The following WDR4 variants were observed in gnomAD, a reference collection of about 807,000 sequenced individuals.
WDR4 encodes the protein WDR4 tRNA N7-guanosine methyltransferase non-catalytic subunit.
Under a neutral mutation model 48.6 loss-of-function variants are expected in WDR4, and 47 were observed. The observed-to-expected ratio is 0.97, with a 90% CI of 0.77 to 1.23. The LOEUF is 1.23. Ranked by LOEUF, WDR4 falls within the 50% of genes most tolerant of loss-of-function variation. The probability of loss-of-function intolerance (pLI) is 0.00; values close to 1 mark genes in which losing one functional copy is unlikely to be tolerated. For missense variants in WDR4, 606 were observed against 551.6 expected, an observed-to-expected ratio of 1.10 and a Z score of -0.99; for synonymous variants, 268 against 230.0, an observed-to-expected ratio of 1.17 and a Z score of -1.49.
rs2057771238 is a variant in WDR4 at position 42,849,819 on chromosome 21, A to G, written c.*230T>C. On this transcript the variant is annotated 3_prime_UTR_variant, in exon 11 of 11. Transcript: ENST00000398208. ...AAAAGAAAGTGCTTCAAGAGCTTCC[A>G]CTCCACTGGTCTGGCTTCCCTTCAA... 7.9e-6 allele frequency: 4 copies of G among 504,158 alleles called. No homozygotes were observed. The South Asian group carries it at 1.2e-4, about 15-fold the overall frequency. 31.2% of individuals were successfully genotyped at this position (504,158 alleles called of 1,614,324 possible).
At chr21:42,876,626 C>G (rs2058497982) in intron 2 of WDR4, 76 bp downstream of exon 2, 1 of 1,395,568 alleles carries the variant, frequency 7.2e-7, no homozygotes, top group East Asian at 2.3e-5. Context: ...AGTAGGACAA[C>G]AATTGCTTCT....
intron 6 of WDR4, 77 bp from the exon 7 acceptor site, chr21:42,855,857 G>C: frequency 8.0e-7 from 1 of 1,242,320 alleles, no homozygotes; most frequent in Non-Finnish European, 1.1e-6. Context: ...GGACAGCTGC[G>C]TGTGGTCGGG....
intron 3 of WDR4, among the ~76,000 whole-genome samples, chr21:42,870,633 C>T (rs151246629): frequency 0.012 from 1,775 of 152,058 alleles, 30 homozygotes; most frequent in Non-Finnish European, 0.013. Context: ...ACTAAAAATA[C>T]AAAAAATTAG....
At chr21:42,865,590 C>G (rs974373931) in intron 3 of WDR4, among the ~76,000 whole-genome samples, 1 of 152,190 alleles carries the variant, frequency 6.6e-6, no homozygotes, top group Non-Finnish European at 1.5e-5. Flanking sequence ...ATCCTGGCAC[C>G]GATTCTAGGA....
chr21:42,853,148 A>G (rs1395984211), intron 9 of WDR4, among the ~76,000 whole-genome samples: 1 of 152,050 alleles, frequency 6.6e-6, no homozygotes, highest in Non-Finnish European at 1.5e-5. Context: ...AAAGCAGCTC[A>G]GCCTGCCGCC....
At chr21:42,875,333 C>A (rs534551523) in intron 2 of WDR4, among the ~76,000 whole-genome samples, 2 of 152,106 alleles carry the variant, frequency 1.3e-5, no homozygotes. Flanking sequence ...AGGTGGATCA[C>A]GAGGTCAGGA....
At position 42,856,005 on chromosome 21, in the gene WDR4, C is replaced by T. The variant is rs551946217; in HGVS notation, c.628-225G>A. 3.1e-3 allele frequency among the ~76,000 whole-genome samples: 477 copies of T among 152,336 alleles called. 1 individual carries two copies. Among genetic ancestry groups the T allele is most frequent in the Non-Finnish European group, 5.0e-3 (338 of 68,030 alleles). On this transcript the variant is annotated intron_variant, in intron 6 of 10. Coordinates refer to ENST00000398208, the MANE Select transcript of WDR4 (RefSeq NM_018669.6). The stretch of plus-strand genomic sequence containing the variant: ...GACCGATTCCCTGTTTCTCGAGTGC[C>T]AATATGCCCAGGCAGATGACAAAGC...
At chr21:42,892,807 G>C in the WDR4 span, among the ~76,000 whole-genome samples, 1 of 152,244 alleles carries the variant, frequency 6.6e-6, no homozygotes, top group Non-Finnish European at 1.5e-5. Flanking sequence ...TGGTGGCCGC[G>C]TTGCCGACAG....
chr21:42,866,347 G>T (rs140304312), intron 3 of WDR4, among the ~76,000 whole-genome samples: 1 of 152,282 alleles, frequency 6.6e-6, no homozygotes, highest in Non-Finnish European at 1.5e-5. Context: ...CTTCCCAGCA[G>T]CAGCACAGTA....
chr21:42,857,491 T>G (rs2058022992), intron 6 of WDR4, among the ~76,000 whole-genome samples: 1 of 151,916 alleles, frequency 6.6e-6, no homozygotes, highest in African/African-American at 2.4e-5. Flanking sequence ...TCGCCAGACA[T>G]CCGAGGAAAA....
intron 1 of WDR4, among the ~76,000 whole-genome samples, chr21:42,877,716 C>G (rs2058527723): frequency 6.6e-6 from 1 of 152,002 alleles, no homozygotes; most frequent in Non-Finnish European, 1.5e-5. Context: ...ATATGCTATT[C>G]TTTTAGGCAC....
Position 42,862,552 on chromosome 21 carries a change from C to T in WDR4, c.454-158G>A, listed in dbSNP as rs570498917. Among the ~76,000 whole-genome samples the T allele has an allele frequency of 1.3e-5, 2 of 152,318 alleles. No homozygotes were observed. The highest frequency in any genetic ancestry group is 2.1e-4 in the South Asian group (1 of 4,828). ...GGCTCCTCCCCTCCTCCCGTCCCTA[C>T]GTCTAATTGGTGGCCCTCATTCTCC... On this transcript the variant is annotated intron_variant, in intron 4 of 10. Coordinates refer to ENST00000398208, the MANE Select transcript of WDR4 (RefSeq NM_018669.6). This position sits in a 1 kb window ranked among gnomAD's most constrained non-coding sequence, Gnocchi z 4.3.
In WDR4 at chr21:42,849,348, C is replaced by A. The variant is rs2145985968; in HGVS notation, c.*701G>T. Reference sequence around the variant, plus strand: ...GTGGCTCTGCAGTGTGTGCCAAGGTCAAATCAAATCATAACGACGTCCTCA... The same window carrying A: ...GTGGCTCTGCAGTGTGTGCCAAGGTAAAATCAAATCATAACGACGTCCTCA... On this transcript the variant is annotated 3_prime_UTR_variant, in exon 11 of 11. Coordinates refer to ENST00000398208, the MANE Select transcript of WDR4 (RefSeq NM_018669.6). 6.6e-6 allele frequency: 1 copy of A among 152,380 alleles called. No homozygotes were observed. 9.4% of individuals were successfully genotyped at this position (152,380 alleles called of 1,614,324 possible).
rs770525523 is a variant in WDR4, at chr21:42,876,751, A to G, written c.106T>C (p.Phe36Leu). 1.2e-6 allele frequency: 2 copies of G among 1,613,464 alleles called. No individual in the cohort carries two copies. The highest frequency in any genetic ancestry group is 1.7e-6 in the Non-Finnish European group (2 of 1,179,720). The change falls in exon 2 of 11, where the codon TTC becomes CTC. Residue 36 changes from phenylalanine to leucine, a missense_variant. Phe to Leu is a conservative substitution (Grantham distance 22). Transcript: ENST00000398208. The stretch of plus-strand genomic sequence containing the variant: ...TCTGCAGCACTGCAGTCATAGATGA[A>G]GAGGCTGTCATCATCACTAAAGAGA... ...SIASSDDDSL[F>L]IYDCSAAEKK...
upstream of WDR4, among the ~76,000 whole-genome samples, chr21:42,883,197 C>A (rs1429622318): frequency 6.7e-6 from 1 of 148,742 alleles, no homozygotes; most frequent in Non-Finnish European, 1.5e-5. Context: ...ATCACTTGAA[C>A]CGAGGAGGTG....
intron 8 of WDR4, 146 bp downstream of exon 8, chr21:42,854,416 G>C: frequency 1.3e-6 from 1 of 790,836 alleles, no homozygotes. Context: ...GTCATCAAAA[G>C]TGACATTCTC....
At chr21:42,847,676 G>A (rs2057722661), downstream of WDR4, among the ~76,000 whole-genome samples, 1 of 152,212 alleles carries the variant, frequency 6.6e-6, no homozygotes, top group Non-Finnish European at 1.5e-5. Flanking sequence ...ATCCATAAAA[G>A]TTTATTCTCA....
intron 3 of WDR4, among the ~76,000 whole-genome samples, chr21:42,865,684 G>A (rs977993468): frequency 1.3e-5 from 2 of 152,036 alleles, no homozygotes; most frequent in African/African-American, 4.8e-5. Flanking sequence ...CCAATGGCAA[G>A]CCGGCCTGTC....
At chr21:42,847,049 C>T (rs967550777), downstream of WDR4, among the ~76,000 whole-genome samples, 1 of 151,240 alleles carries the variant, frequency 6.6e-6, no homozygotes, top group Non-Finnish European at 1.5e-5. Flanking sequence ...AAAAAAAAAA[C>T]CAGATACAAT....
Sources: gnomAD v4.1 joint callset for allele counts (sites outside exome capture counted in the v4.1 genomes callset) on GRCh38, gnomAD v4.1.1 for gene constraint, Gnocchi (gnomAD v3.1) non-coding constraint, MANE v1.5 for transcripts, NCBI Gene and HGNC (gene_info 2026-07-23, HGNC 2026-07-21) for gene names.